NHS: variants seen among roughly 807,000 people sequenced by gnomAD.
NHS encodes NHS actin remodeling regulator.
A neutral mutation model predicts 72.5 loss-of-function variants in NHS; 5 were observed. The observed-to-expected ratio is 0.07, with a 90% CI of 0.04 to 0.14. NHS has a LOEUF of 0.14. Among genes scored for constraint, NHS ranks in the 10% least tolerant of loss-of-function variants. NHS has a pLI of 1.00. For synonymous variants in NHS, 464 were observed against 547.7 expected (o/e 0.85, Z 2.13); for missense variants, 1,072 against 1,355.7 (o/e 0.79, Z 3.29).
At chrX:17,663,963 C>G (rs2065995545) in intron 1 of NHS, among the ~76,000 whole-genome samples, 1 of 111,656 alleles carries the variant, frequency 9.0e-6, no homozygotes. Context: ...TGCTGAACAC[C>G]TTTTCACGTG....
At chrX:17,560,110 C>T (rs1285842160) in intron 1 of NHS, among the ~76,000 whole-genome samples, 2 of 112,193 alleles carry the variant, frequency 1.8e-5, no homozygotes, top group African/African-American at 6.5e-5. Context: ...AGTGCACACT[C>T]TGCATTTTGA....
At chrX:17,477,252 G>A (rs1039557268) in intron 1 of NHS, among the ~76,000 whole-genome samples, 3 of 111,939 alleles carry the variant, frequency 2.7e-5, no homozygotes, top group African/African-American at 9.7e-5. Flanking sequence ...AAGTGGATAT[G>A]TGAGTGAAAA....
In NHS at chrX:17,704,322, A is replaced by T; in HGVS notation, c.852+11854A>T. ...AAAAAAAAATTTTTTTTTGAGATGGAGTCTCACTCTGTCACCCAGGCTGGA... is the reference window on the plus strand; with the variant it reads ...AAAAAAAAATTTTTTTTTGAGATGGTGTCTCACTCTGTCACCCAGGCTGGA... On this transcript the variant is annotated intron_variant, in intron 3 of 8. Coordinates refer to ENST00000676302, the MANE Select transcript of NHS (RefSeq NM_001291867.2). 2.7e-5 allele frequency among the ~76,000 whole-genome samples: 3 copies of T among 109,279 alleles called. 1 individual carries two copies. In the Admixed American group the frequency reaches 2.9e-4, roughly 11 times the overall value. The allele number at this position is 109,279 out of a possible 115,157, so 94.9% of individuals were successfully genotyped here. A position where few individuals can be genotyped will look rare whatever the true frequency, so the allele number is the denominator to read the frequency against.
intron 1 of NHS, among the ~76,000 whole-genome samples, chrX:17,536,309 C>T (rs375359680): frequency 9.8e-5 from 11 of 112,305 alleles, no homozygotes; most frequent in Non-Finnish European, 1.5e-4. Context: ...GAGCCGAGAT[C>T]GCGCCACTGC....
chrX:17,729,096 A>C (rs2066470228), intron 8 of NHS, among the ~76,000 whole-genome samples: 1 of 111,541 alleles, frequency 9.0e-6, no homozygotes, highest in African/African-American at 3.3e-5. Flanking sequence ...CTTGGAGTGA[A>C]AGCTCAAACT....
chrX:17,634,448 T>G (rs2065834982), intron 1 of NHS, among the ~76,000 whole-genome samples: 1 of 111,941 alleles, frequency 8.9e-6, no homozygotes, highest in Admixed American at 9.5e-5. Context: ...CATTAGTTTA[T>G]CTTCTTTCCT....
chrX:17,529,954 G>A (rs750268497), intron 1 of NHS, among the ~76,000 whole-genome samples: 4 of 110,776 alleles, frequency 3.6e-5, no homozygotes, highest in Non-Finnish European at 7.6e-5. Flanking sequence ...CTTTCACTTC[G>A]CTTGGAGACT....
intron 1 of NHS, among the ~76,000 whole-genome samples, chrX:17,571,482 G>A (rs1187750168): frequency 7.1e-5 from 8 of 111,968 alleles, no homozygotes; most frequent in African/African-American, 2.6e-4. Context: ...ATTGTCTGAT[G>A]GTAGTTTGTA....
At chrX:17,415,054 C>T (rs1432048017) in intron 1 of NHS, among the ~76,000 whole-genome samples, 1 of 111,179 alleles carries the variant, frequency 9.0e-6, no homozygotes. Flanking sequence ...TGGGATATCA[C>T]ATAGGGGTGG....
intron 1 of NHS, among the ~76,000 whole-genome samples, chrX:17,443,550 A>G (rs1471209737): frequency 9.0e-6 from 1 of 111,694 alleles, no homozygotes; most frequent in Admixed American, 9.5e-5. Context: ...TTAGTGGCCC[A>G]CCACTGAGTG....
chrX:17,487,126 CTATCACAAATGTCTCATTTAATA>C (rs1051132134), intron 1 of NHS, among the ~76,000 whole-genome samples: 1 of 112,128 alleles, frequency 8.9e-6, no homozygotes, highest in African/African-American at 3.2e-5. Context: ...TTGCAAAATG[CTATCACAAATGTCTCATTTAATA>C]TTTCATGGAA....
At chrX:17,719,620 C>A (rs1601853382) in intron 4 of NHS, among the ~76,000 whole-genome samples, 1 of 109,148 alleles carries the variant, frequency 9.2e-6, no homozygotes, top group East Asian at 2.9e-4. Context: ...CATTCACTGC[C>A]CCCCACTCTG....
chrX:17,448,907 T>C (rs1418322617), intron 1 of NHS, among the ~76,000 whole-genome samples: 1 of 112,627 alleles, frequency 8.9e-6, no homozygotes, highest in African/African-American at 3.2e-5. Flanking sequence ...TAGATGATAA[T>C]AATAATAATA....
intron 1 of NHS, among the ~76,000 whole-genome samples, chrX:17,424,525 A>G (rs768322243): frequency 3.7e-4 from 41 of 111,836 alleles, no homozygotes; most frequent in Admixed American, 1.9e-4. Flanking sequence ...GTGGAGAAGC[A>G]TGTCCACCGC....
intron 3 of NHS, among the ~76,000 whole-genome samples, chrX:17,703,538 G>C (rs2066278683): frequency 8.9e-6 from 1 of 111,921 alleles, no homozygotes; most frequent in South Asian, 3.8e-4. Context: ...TTCCACCTCA[G>C]ATTGGCCACA....
At chrX:17,712,253 GTATATATATATA>G (rs1216194040) in intron 3 of NHS, among the ~76,000 whole-genome samples, 27 of 50,148 alleles carry the variant, frequency 5.4e-4, no homozygotes, top group African/African-American at 1.4e-3. Flanking sequence ...TTGTGTGTGT[GTATATATATATA>G]TATATATATA....
At chrX:17,634,642 G>A (rs761179940) in intron 1 of NHS, among the ~76,000 whole-genome samples, 37 of 97,814 alleles carry the variant, frequency 3.8e-4, no homozygotes, top group African/African-American at 1.4e-3. Flanking sequence ...GAAGTGGTTT[G>A]AGTATTCTTG....
chrX:17,399,838 A>T (rs1315026074), intron 1 of NHS, among the ~76,000 whole-genome samples: 1 of 111,858 alleles, frequency 8.9e-6, no homozygotes, highest in Non-Finnish European at 1.9e-5. Context: ...ACCCAAATGG[A>T]TGTAGGAATG....
rs746365807 is a variant in NHS at position 17,553,778 on chromosome X, C to T, written c.566-133964C>T. Among the ~76,000 whole-genome samples the T allele has an allele frequency of 5.3e-3, 593 of 111,275 alleles. 4 individuals carry two copies. Among genetic ancestry groups the T allele is most frequent in the African/African-American group, 0.019 (573 of 30,548 alleles). ...CTGTTTCGGGGGCGGGGTAGGGGGG[C>T]GGTGCTTGGGAGACTGCTTTCTCAG... On this transcript the variant is annotated intron_variant, in intron 1 of 8. Transcript: ENST00000676302.
Sources: gnomAD v4.1 joint callset for allele counts (sites outside exome capture counted in the v4.1 genomes callset) on GRCh38, gnomAD v4.1.1 for gene constraint, MANE v1.5 for transcripts, NCBI Gene and HGNC (gene_info 2026-07-23, HGNC 2026-07-21) for gene names.